Variants in VRK1 observed in about 807,000 individuals in gnomAD.
VRK1 encodes serine/threonine-protein kinase VRK1.
Under a neutral mutation model 57.1 loss-of-function variants are expected in VRK1, and 33 were observed. The observed-to-expected ratio is 0.58, with a 90% confidence interval of 0.44 to 0.77. VRK1 has a LOEUF of 0.77. VRK1 is among the 30% of genes least tolerant of loss of function. The pLI, the probability that VRK1 is intolerant of heterozygous loss-of-function variation, is 0.00. For synonymous variants in VRK1, 137 were observed against 147.8 expected (o/e 0.93, Z 0.53); for missense variants, 413 against 477.3 (o/e 0.87, Z 1.25).
At chr14:96,831,666 G>A (rs564671337) in intron 1 of VRK1, among the ~76,000 whole-genome samples, 3 of 152,044 alleles carry the variant, frequency 2.0e-5, no homozygotes, top group Non-Finnish European at 4.4e-5. Flanking sequence ...TTCTGGAAAG[G>A]AATTTCAGAA....
intron 1 of VRK1, among the ~76,000 whole-genome samples, chr14:96,802,817 CCCATGGAAGG>C (rs1225125069): frequency 2.0e-5 from 3 of 152,292 alleles, no homozygotes; most frequent in Admixed American, 1.3e-4. Context: ...TAACCATTTA[CCCATGGAAGG>C]CCATGTGGGT....
rs1888345984 is a variant in VRK1, at chr14:96,860,595, G to T, written c.928G>T (p.Asp310Tyr). ...AKYMETVKLL[D>Y]YTEKPLYENL... ...ATACATGGAAACAGTGAAATTACTA[G>T]ACTACACTGAAAAACCTCTTTATGA... The change falls in exon 11 of 13, where the codon GAC becomes TAC. Residue 310 changes from aspartate (D) to tyrosine (Y), a missense_variant. By Grantham distance (160) the Asp-to-Tyr change is radical. Coordinates refer to ENST00000216639, the MANE Select transcript of VRK1 (RefSeq NM_003384.3). The T allele has an allele frequency of 1.2e-6, 2 of 1,612,950 alleles. No homozygotes were observed. The highest frequency in any genetic ancestry group is 2.2e-5 in the South Asian group (2 of 91,002).
chr14:96,809,372 C>G (rs1304318124), intron 1 of VRK1, among the ~76,000 whole-genome samples: 1 of 152,112 alleles, frequency 6.6e-6, no homozygotes, highest in East Asian at 1.9e-4. Flanking sequence ...TAGCAAAATT[C>G]ATTTATTCAT....
intron 7 of VRK1, among the ~76,000 whole-genome samples, chr14:96,854,782 CAT>C (rs1256827403): frequency 3.3e-5 from 5 of 151,656 alleles, no homozygotes; most frequent in African/African-American, 1.2e-4. Flanking sequence ...ACTAACATAT[CAT>C]GTGTCAGCAT....
intron 2 of VRK1, among the ~76,000 whole-genome samples, chr14:96,836,717 G>A (rs117472679): frequency 0.032 from 4,786 of 151,860 alleles, 111 homozygotes; most frequent in Non-Finnish European, 0.049. Flanking sequence ...AAGTAAAGAC[G>A]GGGTTTCACC....
chr14:96,801,235 A>G (rs1885650760), intron 1 of VRK1, among the ~76,000 whole-genome samples: 1 of 152,218 alleles, frequency 6.6e-6, no homozygotes, highest in South Asian at 2.1e-4. Flanking sequence ...CAAACCATGA[A>G]GTTAGACATA....
intron 1 of VRK1, among the ~76,000 whole-genome samples, chr14:96,801,191 C>T (rs1377691315): frequency 6.6e-6 from 1 of 152,156 alleles, no homozygotes; most frequent in East Asian, 1.9e-4. Flanking sequence ...AAAGAGATTG[C>T]ATTATCTAAT....
intron 1 of VRK1, among the ~76,000 whole-genome samples, chr14:96,831,603 A>G (rs562109817): frequency 6.6e-6 from 1 of 152,376 alleles, no homozygotes; most frequent in East Asian, 1.9e-4. Flanking sequence ...ACCACAATTT[A>G]CATTGAATAG....
chr14:96,803,332 C>T (rs143919606), intron 1 of VRK1, among the ~76,000 whole-genome samples: 197 of 152,030 alleles, frequency 1.3e-3, no homozygotes, highest in Middle Eastern at 6.8e-3. Context: ...TGCCACGCAC[C>T]GCAAATTTTT....
At chr14:96,805,348 A>C (rs1249538867) in intron 1 of VRK1, among the ~76,000 whole-genome samples, 1 of 152,198 alleles carries the variant, frequency 6.6e-6, no homozygotes, top group African/African-American at 2.4e-5. Flanking sequence ...AGAAACCTAG[A>C]TGTAGTATAG....
intron 12 of VRK1, among the ~76,000 whole-genome samples, chr14:96,879,235 A>G (rs1481424326): frequency 1.1e-5 from 1 of 90,970 alleles, no homozygotes; most frequent in African/African-American, 4.5e-5. Flanking sequence ...AATTAAAGAG[A>G]TAAGGTAGTT....
intron 11 of VRK1, among the ~76,000 whole-genome samples, chr14:96,868,045 T>G (rs1009017517): frequency 2.6e-5 from 4 of 152,214 alleles, no homozygotes; most frequent in African/African-American, 9.6e-5. Context: ...ATTTTAATAG[T>G]GTATACCTCA....
intron 11 of VRK1, 93 bp downstream of exon 11, chr14:96,860,828 C>T (rs555539408): frequency 1.4e-6 from 2 of 1,382,476 alleles, no homozygotes; most frequent in Non-Finnish European, 1.0e-6. Context: ...CAATGAAGAA[C>T]AATAACAGAT....
intron 3 of VRK1, among the ~76,000 whole-genome samples, chr14:96,842,929 GA>G (rs1887523468): frequency 6.6e-6 from 1 of 152,196 alleles, no homozygotes. Flanking sequence ...ACTTAATGTG[GA>G]CGCTTTGTCA....
At chr14:96,827,652 C>A (rs897222376) in intron 1 of VRK1, among the ~76,000 whole-genome samples, 1 of 152,088 alleles carries the variant, frequency 6.6e-6, no homozygotes, top group African/African-American at 2.4e-5. Context: ...GTAACTGCTC[C>A]CTATATTTGC....
rs762488032 is a variant in VRK1 at position 96,856,269 on chromosome 14, T to C, written c.830+19T>C. The C allele has an allele frequency of 8.7e-6, 14 of 1,611,206 alleles. 1 individual carries two copies. In the South Asian group the frequency reaches 1.1e-4, roughly 13 times the overall value. On this transcript the variant is annotated intron_variant, in intron 9 of 12. Transcript: ENST00000216639. ...AAATTAGGTAAAGGAAAACTTAAGT[T>C]ATTTCTAGCAAAATCATGATAAGCC...
chr14:96,816,970 A>C lies in VRK1; in HGVS notation c.-5-16497A>C, dbSNP rs137903324. 5.9e-5 allele frequency among the ~76,000 whole-genome samples: 9 copies of C among 152,328 alleles called. No individual in the cohort carries two copies. The East Asian group carries it at 1.7e-3, about 29-fold the overall frequency. ...ATTTTGTTAGGTGTGGCAATAATAT[A>C]TGGTGGATTTATTTTTAAAAAGTAC... On this transcript the variant is annotated intron_variant, in intron 1 of 12. Coordinates refer to ENST00000216639, the MANE Select transcript of VRK1 (RefSeq NM_003384.3).
intron 1 of VRK1, among the ~76,000 whole-genome samples, chr14:96,815,839 A>G (rs568098073): frequency 7.9e-5 from 12 of 152,078 alleles, no homozygotes; most frequent in African/African-American, 2.9e-4. Context: ...GCAGTGAGCC[A>G]TGATTCTGCT....
chr14:96,832,528 A>C (rs776361547), intron 1 of VRK1, among the ~76,000 whole-genome samples: 12 of 152,172 alleles, frequency 7.9e-5, no homozygotes, highest in Middle Eastern at 3.2e-3. Flanking sequence ...ACCTGAGGGC[A>C]CTTGAAGCCC....
Sources: allele counts gnomAD v4.1 joint callset (sites outside exome capture counted in the v4.1 genomes callset), GRCh38; gene constraint gnomAD v4.1.1; transcripts MANE v1.5; gene names NCBI Gene and HGNC (gene_info 2026-07-23, HGNC 2026-07-21).